Variants in HSD17B2 observed in about 807,000 individuals in gnomAD.
HSD17B2 encodes hydroxysteroid 17-beta dehydrogenase 2.
Under a neutral mutation model 26.9 loss-of-function variants are expected in HSD17B2, and 32 were observed. The ratio of observed to expected loss-of-function variants is 1.19; its 90% CI spans 0.90 to 1.60. The LOEUF is 1.60. Among genes scored for constraint, HSD17B2 ranks in the 40% most tolerant of loss-of-function variants. HSD17B2 has a pLI of 0.00. For synonymous variants in HSD17B2, 246 were observed against 186.7 expected (o/e 1.32, Z -2.59); for missense variants, 613 against 468.6 (o/e 1.31, Z -2.85).
intron 1 of HSD17B2, among the ~76,000 whole-genome samples, chr16:82,036,315 CTTGT>C (rs931404486): frequency 1.1e-4 from 13 of 118,526 alleles, no homozygotes; most frequent in South Asian, 5.7e-4. Context: ...CAGTTTTTCC[CTTGT>C]TTGTGTGTGT....
At chr16:82,093,626 AC>A (rs1375686150) in intron 4 of HSD17B2, 1 of 152,222 alleles carries the variant, frequency 6.6e-6, no homozygotes, top group Non-Finnish European at 1.5e-5. Flanking sequence ...TGAAATTGTT[AC>A]CAAAAAGGGC....
At position 82,071,501 on chromosome 16, in the gene HSD17B2, A is replaced by G. The variant is rs8191170; in HGVS notation, c.664+374A>G. 4.8e-3 allele frequency: 1,684 copies of G among 350,420 alleles called. 19 individuals carry two copies. Among genetic ancestry groups the G allele is most frequent in the African/African-American group, 0.034 (1,577 of 47,018 alleles). The allele number at this position is 350,420 out of a possible 1,614,324, so 21.7% of individuals were successfully genotyped here. On this transcript the variant is annotated intron_variant, in intron 3 of 4. Coordinates refer to ENST00000199936, the MANE Select transcript of HSD17B2 (RefSeq NM_002153.3). ...TTCGTCAATTTAACACACTGTGTTCAGTTCCCTGTAAGCTGAGTAGGCAAT... is the reference window on the plus strand; with the variant it reads ...TTCGTCAATTTAACACACTGTGTTCGGTTCCCTGTAAGCTGAGTAGGCAAT...
intron 1 of HSD17B2, among the ~76,000 whole-genome samples, chr16:82,051,306 G>A (rs1277393954): frequency 6.6e-6 from 1 of 152,230 alleles, no homozygotes; most frequent in Non-Finnish European, 1.5e-5. Flanking sequence ...GAATGCATGA[G>A]CAAACAAAGA....
chr16:82,091,209 G>C, intron 4 of HSD17B2, 170 bp downstream of exon 4: 1 of 736,592 alleles, frequency 1.4e-6, no homozygotes, highest in Middle Eastern at 2.3e-4. Flanking sequence ...GCTGACAGTA[G>C]GGGAAAGAGC....
chr16:82,081,817 T>A (rs958522995), intron 3 of HSD17B2, among the ~76,000 whole-genome samples: 2 of 152,144 alleles, frequency 1.3e-5, no homozygotes, highest in Admixed American at 1.3e-4. Flanking sequence ...GCAGCACTAT[T>A]CACAATAGCA....
intron 1 of HSD17B2, among the ~76,000 whole-genome samples, chr16:82,066,174 A>G (rs1349978389): frequency 6.6e-6 from 1 of 152,228 alleles, no homozygotes; most frequent in Non-Finnish European, 1.5e-5. Flanking sequence ...TGGTCCAGAC[A>G]CTTGCATGTG....
intron 4 of HSD17B2, chr16:82,096,928 T>C (rs183814188): frequency 6.6e-6 from 1 of 151,968 alleles, no homozygotes; most frequent in Non-Finnish European, 1.5e-5. Flanking sequence ...AAGATGAATC[T>C]GTCCTATTAA....
chr16:82,062,075 C>T (rs759345280), intron 1 of HSD17B2, among the ~76,000 whole-genome samples: 1 of 152,162 alleles, frequency 6.6e-6, no homozygotes, highest in East Asian at 1.9e-4. Context: ...ATATGGTGCC[C>T]CCATGTGGCA....
At chr16:82,039,586 G>A (rs1913714723) in intron 1 of HSD17B2, among the ~76,000 whole-genome samples, 1 of 152,126 alleles carries the variant, frequency 6.6e-6, no homozygotes, top group African/African-American at 2.4e-5. Flanking sequence ...TCAAGCGATG[G>A]GATCAAAATT....
chr16:82,089,301 A>G (rs1904616882), intron 3 of HSD17B2, among the ~76,000 whole-genome samples: 1 of 152,188 alleles, frequency 6.6e-6, no homozygotes, highest in Admixed American at 6.5e-5. Context: ...TATCAAGTTC[A>G]TTCCCTTTTA....
At chr16:82,089,969 C>T (rs905835572) in intron 3 of HSD17B2, among the ~76,000 whole-genome samples, 7 of 152,078 alleles carry the variant, frequency 4.6e-5, no homozygotes, top group African/African-American at 1.7e-4. Context: ...TATAGCTGGT[C>T]CAGTGACAAA....
chr16:82,054,213 A>G (rs904395761), intron 1 of HSD17B2, among the ~76,000 whole-genome samples: 24 of 152,006 alleles, frequency 1.6e-4, no homozygotes, highest in African/African-American at 5.8e-4. Flanking sequence ...ATATCGAAAA[A>G]AAAAAAAAAA....
At chr16:82,066,802 T>C (rs1284935183) in intron 1 of HSD17B2, among the ~76,000 whole-genome samples, 1 of 152,236 alleles carries the variant, frequency 6.6e-6, no homozygotes, top group Non-Finnish European at 1.5e-5. Flanking sequence ...AGCCATGTCA[T>C]TGTCAATAGT....
chr16:82,081,322 C>A (rs1432350856), intron 3 of HSD17B2, among the ~76,000 whole-genome samples: 2 of 152,182 alleles, frequency 1.3e-5, no homozygotes, highest in African/African-American at 4.8e-5. Context: ...TCTGTTGTCA[C>A]TCATTCTCCT....
At chr16:82,040,031 T>C (rs898739995) in intron 1 of HSD17B2, among the ~76,000 whole-genome samples, 1 of 152,196 alleles carries the variant, frequency 6.6e-6, no homozygotes, top group Non-Finnish European at 1.5e-5. Context: ...GCCTAATTGG[T>C]TAAGTAGCTA....
At chr16:82,077,601 G>A (rs1904309160) in intron 3 of HSD17B2, among the ~76,000 whole-genome samples, 1 of 152,038 alleles carries the variant, frequency 6.6e-6, no homozygotes, top group Non-Finnish European at 1.5e-5. Flanking sequence ...ATGGTGGCAT[G>A]TGCCTGTAGT....
intron 1 of HSD17B2, among the ~76,000 whole-genome samples, chr16:82,060,006 G>C (rs530195619): frequency 1.3e-5 from 2 of 152,356 alleles, no homozygotes; most frequent in South Asian, 2.1e-4. Flanking sequence ...GAGGGCAAAG[G>C]AGGAGGGAGG....
intron 4 of HSD17B2, chr16:82,094,671 T>C (rs1486067561): frequency 6.6e-6 from 1 of 152,184 alleles, no homozygotes; most frequent in Non-Finnish European, 1.5e-5. Context: ...TATTTGAAGG[T>C]AGGGGCAAGA....
intron 1 of HSD17B2, among the ~76,000 whole-genome samples, chr16:82,054,085 C>T (rs1437367937): frequency 6.6e-6 from 1 of 151,984 alleles, no homozygotes; most frequent in South Asian, 2.1e-4. Context: ...TGTCTTTCTC[C>T]AAGTCACCTC....
Sources: gnomAD v4.1 joint callset for allele counts (sites outside exome capture counted in the v4.1 genomes callset) on GRCh38, gnomAD v4.1.1 for gene constraint, MANE v1.5 for transcripts, NCBI Gene and HGNC (gene_info 2026-07-23, HGNC 2026-07-21) for gene names.